Variants in MYOM2 observed in about 807,000 individuals in gnomAD.
MYOM2 encodes the protein myomesin 2.
MYOM2 carries 254 observed loss-of-function variants against 187.6 expected under a neutral mutation model. That is an observed-to-expected ratio of 1.35 (90% CI 1.22 to 1.50). The LOEUF is 1.50. MYOM2 is among the 40% of genes most tolerant of loss of function. The pLI is 0.00. For missense variants in MYOM2, 2,796 were observed against 1,924.0 expected (o/e 1.45, Z -8.48); for synonymous variants, 981 against 753.8 (o/e 1.30, Z -4.94).
intron 6 of MYOM2, among the ~76,000 whole-genome samples, chr8:2,065,193 G>T (rs1477534077): frequency 6.6e-6 from 1 of 152,160 alleles, no homozygotes; most frequent in Non-Finnish European, 1.5e-5. Flanking sequence ...TTATTATATA[G>T]TCAGTAGATA....
intron 31 of MYOM2, among the ~76,000 whole-genome samples, chr8:2,125,859 G>A (rs1229980087): frequency 2.6e-5 from 4 of 151,590 alleles, no homozygotes; most frequent in African/African-American, 9.7e-5. Context: ...CCGCCCGCCC[G>A]CCCACCGAGG....
chr8:2,086,360 T>TC (rs1215909669), intron 14 of MYOM2, among the ~76,000 whole-genome samples: 1 of 2,730 alleles, frequency 3.7e-4, no homozygotes, highest in African/African-American at 1.3e-3. Context: ...CTGCGTGGCC[T>TC]CCCACTGTTG....
intron 3 of MYOM2, among the ~76,000 whole-genome samples, chr8:2,056,289 G>A (rs1290788779): frequency 1.3e-5 from 2 of 152,206 alleles, no homozygotes; most frequent in African/African-American, 4.8e-5. Context: ...GGATGGCAGT[G>A]AGATGTTTCT....
Position 2,046,711 on chromosome 8 carries a change from C to A in MYOM2, c.-13+1543C>A, listed in dbSNP as rs531388908. Among the ~76,000 whole-genome samples the A allele has an allele frequency of 7.9e-5, 12 of 151,308 alleles. No homozygotes were observed. The South Asian group carries it at 2.5e-3, about 32-fold the overall frequency. Reference sequence around the variant, plus strand: ...GGGACTCACATCAAAAACTACCCTGCGAGGAAAAGCTGCTTTCTTTCTCTC... The same window carrying A: ...GGGACTCACATCAAAAACTACCCTGAGAGGAAAAGCTGCTTTCTTTCTCTC... On this transcript the variant is annotated intron_variant, in intron 1 of 36. Transcript: ENST00000262113.
At chr8:2,132,058 A>G (rs1214362424) in intron 32 of MYOM2, among the ~76,000 whole-genome samples, 2 of 152,232 alleles carry the variant, frequency 1.3e-5, no homozygotes, top group African/African-American at 4.8e-5. Context: ...ATTGTAATTC[A>G]CTTCTTGATG....
chr8:2,050,675 C>T, intron 1 of MYOM2, 80 bp from the exon 2 acceptor site: 2 of 798,446 alleles, frequency 2.5e-6, no homozygotes, highest in South Asian at 3.7e-5. Flanking sequence ...TTCATTTTCC[C>T]CTTTGGAATG....
rs1193470514 is a variant in MYOM2 at position 2,072,403 on chromosome 8, T to C, written c.852T>C (p.Phe284=). 2 of 1,614,184 alleles carry C rather than the reference T, an allele frequency of 1.2e-6. No individual in the cohort carries two copies. The highest frequency in any genetic ancestry group is 1.7e-6 in the Non-Finnish European group (2 of 1,180,032). Reference sequence around the variant, plus strand: ...TCGACGTCCAGTTTTTGGAGAAGTTTGGGGTCACCTTCAGGAGGGAAGGCG... The same window carrying C: ...TCGACGTCCAGTTTTTGGAGAAGTTCGGGGTCACCTTCAGGAGGGAAGGCG... The part of the protein sequence containing the change: ...THFDVQFLEK[F]GVTFRREGET... The change falls in exon 9 of 37, where the codon TTT becomes TTC. Residue 284 remains phenylalanine (F), a synonymous_variant. Transcript: ENST00000262113.
intron 14 of MYOM2, among the ~76,000 whole-genome samples, chr8:2,086,727 C>T (rs906919687): frequency 9.2e-5 from 14 of 152,230 alleles, no homozygotes; most frequent in African/African-American, 3.4e-4. Context: ...TCTGGGCGCC[C>T]GCGTTCTTCA....
At chr8:2,076,680 G>C (rs3817702) in intron 11 of MYOM2, 55,119 of 167,988 alleles carry the variant, frequency 0.33, 10,788 homozygotes, top group Middle Eastern at 0.43. Flanking sequence ...GAGAGACAAA[G>C]TGCTGCGAAG....
chr8:2,064,956 G>A (rs1818968778), intron 6 of MYOM2, among the ~76,000 whole-genome samples: 1 of 152,222 alleles, frequency 6.6e-6, no homozygotes, highest in Non-Finnish European at 1.5e-5. Flanking sequence ...GACTGTAAGG[G>A]CAAGGAGGGA....
Position 2,098,849 on chromosome 8 carries a change from C to A in MYOM2, c.2314-8C>A, listed in dbSNP as rs1170419381. 6.2e-7 allele frequency: 1 copy of A among 1,606,480 alleles called. No homozygotes were observed. On this transcript the variant is annotated splice_polypyrimidine_tract_variant and splice_region_variant and intron_variant, in intron 18 of 36. Coordinates refer to ENST00000262113, the MANE Select transcript of MYOM2 (RefSeq NM_003970.4). ...TCTCATGTATTAATTTAAACAAAAT[C>A]TGAATAGGTGGACGGCTTGACGGAA...
chr8:2,114,910 G>A (rs899880967), intron 25 of MYOM2, among the ~76,000 whole-genome samples: 1 of 152,050 alleles, frequency 6.6e-6, no homozygotes, highest in African/African-American at 2.4e-5. Flanking sequence ...AGGAAAACTC[G>A]TTTTCAGAAT....
At chr8:2,052,865 G>A (rs1051994187) in intron 3 of MYOM2, among the ~76,000 whole-genome samples, 23 of 152,320 alleles carry the variant, frequency 1.5e-4, no homozygotes, top group Admixed American at 1.2e-3. Context: ...AGTTGGGAAG[G>A]GATTCTATAA....
At chr8:2,120,950 G>A (rs900952401) in intron 28 of MYOM2, among the ~76,000 whole-genome samples, 10 of 151,516 alleles carry the variant, frequency 6.6e-5, no homozygotes, top group African/African-American at 1.7e-4. Flanking sequence ...GTGTTTAAAA[G>A]GAAGATTCAG....
At position 2,144,803 on chromosome 8, in the gene MYOM2, G is replaced by C. The variant is rs1798402894; in HGVS notation, c.4220G>C (p.Gly1407Ala). 1 of 1,614,138 alleles carries C rather than the reference G, an allele frequency of 6.2e-7. No individual in the cohort carries two copies. ...QAKYVSMTIK[G>A]VTSEDSGKYS... is the part of the protein sequence containing the mutation. ...AAGTACGTCAGCATGACCATCAAAG[G>C]CGTGACCTCCGAGGACTCGGGCAAG... Residue 1407 changes from glycine to alanine, a missense_variant, in exon 37 of 37, where the codon GGC becomes GCC. Physicochemically the swap from Gly to Ala is moderately conservative, Grantham distance 60. Coordinates refer to ENST00000262113, the MANE Select transcript of MYOM2 (RefSeq NM_003970.4).
intron 28 of MYOM2, among the ~76,000 whole-genome samples, chr8:2,122,979 GCC>G (rs994904188): frequency 7.3e-5 from 5 of 68,470 alleles, no homozygotes; most frequent in Non-Finnish European, 1.3e-4. Flanking sequence ...AGATCTTTAT[GCC>G]TAGTCTAATT....
At chr8:2,073,546 G>C in intron 10 of MYOM2, 46 bp downstream of exon 10, 1 of 1,538,808 alleles carries the variant, frequency 6.5e-7, no homozygotes, top group East Asian at 2.3e-5. Flanking sequence ...TGTGTGCCCG[G>C]GGAGGGGAGG....
At chr8:2,076,514 C>A in intron 11 of MYOM2, 1 of 548,630 alleles carries the variant, frequency 1.8e-6, no homozygotes, top group Non-Finnish European at 3.1e-6. Context: ...AGTGGAGGCT[C>A]GTTTGCCTGT....
Position 2,123,581 on chromosome 8 carries a change from C to A in MYOM2, c.3594C>A (p.Tyr1198Ter). The A allele has an allele frequency of 6.2e-7, 1 of 1,614,106 alleles. No individual in the cohort carries two copies. Residue 1198 changes from tyrosine to a stop codon, truncating the protein, a stop_gained, in exon 30 of 37, where the codon TAC (tyrosine) becomes TAA (stop). Coordinates refer to ENST00000262113, the MANE Select transcript of MYOM2 (RefSeq NM_003970.4). LOFTEE classifies it high-confidence loss of function. ...TGTCAAAGAAGGACCACGGTGAATA[C>A]AAGGCAACCTTGAAAGATGACAGAG... The part of the protein sequence containing the change: ...PKLSKKDHGE[Y>*]KATLKDDRGQ...
Sources: gnomAD v4.1 joint callset for allele counts (sites outside exome capture counted in the v4.1 genomes callset) on GRCh38, gnomAD v4.1.1 for gene constraint, MANE v1.5 for transcripts, NCBI Gene and HGNC (gene_info 2026-07-23, HGNC 2026-07-21) for gene names.